Variants in XKR3 observed in about 807,000 individuals in gnomAD.
XKR3 encodes XK related 3, also known as XK-related protein 3.
In XKR3, 27 loss-of-function variants were observed where a neutral mutation model predicts 40.3. That is an observed-to-expected ratio of 0.67 (90% CI 0.49 to 0.92). The LOEUF is 0.92. Among genes scored for constraint, XKR3 ranks in the 40% least tolerant of loss-of-function variants. The pLI, the probability that XKR3 is intolerant of heterozygous loss-of-function variation, is 0.00. For missense variants in XKR3, 472 were observed against 537.6 expected, an observed-to-expected ratio of 0.88 and a Z score of 1.21; for synonymous variants, 193 against 195.4, an observed-to-expected ratio of 0.99 and a Z score of 0.10.
intron 2 of XKR3, among the ~76,000 whole-genome samples, chr22:16,804,505 T>A (rs1314196201): frequency 6.6e-6 from 1 of 152,218 alleles, no homozygotes; most frequent in Non-Finnish European, 1.5e-5. Context: ...TCCCCAGATC[T>A]TTTACTTCCA....
At chr22:16,816,790 T>C (rs963372455) in intron 1 of XKR3, among the ~76,000 whole-genome samples, 7 of 152,040 alleles carry the variant, frequency 4.6e-5, no homozygotes, top group Admixed American at 3.9e-4. Flanking sequence ...AATATGAAAG[T>C]TGTCTACTCT....
At chr22:16,806,798 T>C (rs1442009918) in intron 2 of XKR3, among the ~76,000 whole-genome samples, 23 of 152,050 alleles carry the variant, frequency 1.5e-4, no homozygotes, top group Admixed American at 1.5e-3. Context: ...AAAATGAAAA[T>C]ATACTTTGCA....
At chr22:16,790,342 GAA>G (rs35876120) in intron 3 of XKR3, among the ~76,000 whole-genome samples, 40,376 of 124,600 alleles carry the variant, frequency 0.32, 5,679 homozygotes, top group Admixed American at 0.4. Flanking sequence ...CTTCCACGCA[GAA>G]AAAAAAAAAA....
At chr22:16,803,542 T>A (rs1335236672) in intron 2 of XKR3, among the ~76,000 whole-genome samples, 2 of 152,188 alleles carry the variant, frequency 1.3e-5, no homozygotes, top group Admixed American at 6.5e-5. Context: ...TGGCTGCCCT[T>A]AGAGAATACA....
At chr22:16,810,319 C>T (rs1403847742) in intron 1 of XKR3, among the ~76,000 whole-genome samples, 1 of 152,224 alleles carries the variant, frequency 6.6e-6, no homozygotes, top group Non-Finnish European at 1.5e-5. Flanking sequence ...TTTCCCATTT[C>T]ACCTGATAAT....
chr22:16,822,231 CAT>C (rs2060259934), intron 1 of XKR3, among the ~76,000 whole-genome samples: 1 of 151,968 alleles, frequency 6.6e-6, no homozygotes, highest in Non-Finnish European at 1.5e-5. Flanking sequence ...GATAATGGTA[CAT>C]GTTATTTTAG....
intron 1 of XKR3, among the ~76,000 whole-genome samples, chr22:16,819,749 A>G (rs1349696436): frequency 6.6e-6 from 1 of 152,192 alleles, no homozygotes; most frequent in Non-Finnish European, 1.5e-5. Context: ...CCATGAAAAA[A>G]ATCTGATAAA....
At chr22:16,823,954 A>C (rs1038253021) in intron 1 of XKR3, among the ~76,000 whole-genome samples, 20 of 152,228 alleles carry the variant, frequency 1.3e-4, no homozygotes, top group Non-Finnish European at 2.5e-4. Flanking sequence ...AGGGATCTTA[A>C]TGATGAGAAC....
Position 16,784,201 on chromosome 22 carries a change from G to A in XKR3, c.798C>T (p.Pro266=), listed in dbSNP as rs1315109540. The change falls in exon 4 of 4, where the codon CCC becomes CCT. Residue 266 remains proline, a synonymous_variant. Transcript: ENST00000684488. ...ATACAAAATATATGATTAACAAAAC[G>A]GGTAGGCTCTTCAGTTTCAGAGATG... ...FIASLKLKSL[P]VLLIIYFVSL... is the part of the protein sequence containing the mutation. 5 of 1,614,058 alleles carry A rather than the reference G, an allele frequency of 3.1e-6. No individual in the cohort carries two copies. Among genetic ancestry groups the A allele is most frequent in the East Asian group, 4.5e-5 (2 of 44,898 alleles).
At chr22:16,785,920 A>G (rs1287790114) in intron 3 of XKR3, among the ~76,000 whole-genome samples, 1 of 152,168 alleles carries the variant, frequency 6.6e-6, no homozygotes, top group Non-Finnish European at 1.5e-5. Context: ...CAGAAAACAA[A>G]AAAAGGCCAA....
intron 1 of XKR3, among the ~76,000 whole-genome samples, chr22:16,822,076 C>T (rs2060259091): frequency 6.6e-6 from 1 of 151,874 alleles, no homozygotes; most frequent in Admixed American, 6.6e-5. Context: ...TATAAAATGA[C>T]AAAAACTGAA....
At chr22:16,797,469 C>G (rs2060146250) in intron 3 of XKR3, among the ~76,000 whole-genome samples, 1 of 152,128 alleles carries the variant, frequency 6.6e-6, no homozygotes, top group Non-Finnish European at 1.5e-5. Flanking sequence ...CTTAAATCAA[C>G]AAGCACAAAA....
intron 3 of XKR3, 80 bp downstream of exon 3, chr22:16,799,691 T>C: frequency 6.7e-7 from 1 of 1,484,870 alleles, no homozygotes; most frequent in Non-Finnish European, 9.0e-7. Flanking sequence ...GGATTACATA[T>C]TTCAACTTCT....
intron 3 of XKR3, among the ~76,000 whole-genome samples, chr22:16,788,756 A>G (rs1344764693): frequency 1.3e-5 from 2 of 152,276 alleles, no homozygotes; most frequent in South Asian, 2.1e-4. Flanking sequence ...ATACTGGGAA[A>G]CTGAGTTATA....
chr22:16,801,556 ATAAG>A (rs2060168966), intron 2 of XKR3, among the ~76,000 whole-genome samples: 1 of 152,204 alleles, frequency 6.6e-6, no homozygotes, highest in Non-Finnish European at 1.5e-5. Context: ...AAATAAATAT[ATAAG>A]TAAGTGTAAG....
chr22:16,817,850 C>T (rs186337055), intron 1 of XKR3, among the ~76,000 whole-genome samples: 66 of 152,158 alleles, frequency 4.3e-4, no homozygotes, highest in African/African-American at 1.5e-3. Flanking sequence ...GAAACAAGTG[C>T]TTGATTTCAA....
In XKR3 at chr22:16,783,569, T is replaced by A; in HGVS notation, c.*50A>T. ...TTAAATTTAAGAGCCTCTTAACAAG[T>A]CACATTCAGCATCTTTACTCATTGT... On this transcript the variant is annotated 3_prime_UTR_variant, in exon 4 of 4. Coordinates refer to ENST00000684488, the MANE Select transcript of XKR3 (RefSeq NM_001386955.1). The A allele has an allele frequency of 7.1e-7, 1 of 1,413,284 alleles. No homozygotes were observed. The highest frequency in any genetic ancestry group is 1.4e-5 in the African/African-American group (1 of 69,956). The allele number at this position is 1,413,284 out of a possible 1,614,324, so 87.5% of individuals were successfully genotyped here. A position where few individuals can be genotyped will look rare whatever the true frequency, so the allele number is the denominator to read the frequency against.
rs185305867 is a variant in XKR3 at position 16,815,383 on chromosome 22, T to C, written c.-10-7300A>G. 1.1e-4 allele frequency among the ~76,000 whole-genome samples: 16 copies of C among 152,210 alleles called. No individual in the cohort carries two copies. The East Asian group carries it at 2.3e-3, about 22-fold the overall frequency. ...CCTTGGGAATTTTTGTCTGTATTCA[T>C]GAAATATATTTGTCTGTAACATTCT... On this transcript the variant is annotated intron_variant, in intron 1 of 3. Coordinates refer to ENST00000684488, the MANE Select transcript of XKR3 (RefSeq NM_001386955.1).
At chr22:16,784,558 T>C in intron 3 of XKR3, 149 bp from the exon 4 acceptor site, 2 of 834,558 alleles carry the variant, frequency 2.4e-6, no homozygotes, top group East Asian at 5.4e-5. Flanking sequence ...TTTGTTAATC[T>C]TCCATTTTCA....
Sources: gnomAD v4.1 joint callset for allele counts (sites outside exome capture counted in the v4.1 genomes callset) on GRCh38, gnomAD v4.1.1 for gene constraint, MANE v1.5 for transcripts, NCBI Gene and HGNC (gene_info 2026-07-23, HGNC 2026-07-21) for gene names.